Variants in NEK1 observed in about 807,000 individuals in gnomAD.
NEK1 encodes NIMA related kinase 1.
A neutral mutation model predicts 182.1 loss-of-function variants in NEK1; 137 were observed. That is an observed-to-expected ratio of 0.75 (90% confidence interval 0.65 to 0.87). The LOEUF (loss-of-function observed/expected upper bound fraction) is 0.87, where lower values mean the gene tolerates loss of function less well. Ranked by LOEUF, NEK1 falls within the 40% of genes least tolerant of loss-of-function variation. The probability of loss-of-function intolerance (pLI) is 0.00; values close to 1 mark genes in which losing one functional copy is unlikely to be tolerated. For synonymous variants in NEK1, 513 were observed against 492.2 expected (o/e 1.04, Z -0.56); for missense variants, 1,391 against 1,494.4 (o/e 0.93, Z 1.14).
chr4:169,500,175 C>G (rs1433261029), intron 23 of NEK1, among the ~76,000 whole-genome samples: 2 of 152,226 alleles, frequency 1.3e-5, no homozygotes, highest in African/African-American at 4.8e-5. Flanking sequence ...GAGCGAGGCT[C>G]CGTGGGCATA....
intron 6 of NEK1, 125 bp downstream of exon 6, chr4:169,590,600 TA>T: frequency 1.7e-6 from 1 of 592,736 alleles, no homozygotes; most frequent in Non-Finnish European, 3.0e-6. Context: ...ATGAATAGGA[TA>T]AAAAGGAAGA....
At chr4:169,594,224 G>A (rs1004953274) in intron 5 of NEK1, among the ~76,000 whole-genome samples, 4 of 152,138 alleles carry the variant, frequency 2.6e-5, no homozygotes, top group African/African-American at 9.7e-5. Context: ...CGGCCTTATA[G>A]CACCAAACAG....
intron 19 of NEK1, among the ~76,000 whole-genome samples, chr4:169,518,435 G>A (rs865895566): frequency 1.9e-4 from 26 of 137,992 alleles, no homozygotes; most frequent in Middle Eastern, 3.4e-3. Context: ...TATCAATTTT[G>A]TTGATCCTTT....
chr4:169,599,706 T>C (rs1156303373), intron 4 of NEK1, among the ~76,000 whole-genome samples: 1 of 152,110 alleles, frequency 6.6e-6, no homozygotes, highest in Non-Finnish European at 1.5e-5. Flanking sequence ...GATACACTGT[T>C]TCCACCCTCT....
At chr4:169,537,112 G>C (rs1476763635) in intron 19 of NEK1, among the ~76,000 whole-genome samples, 1 of 152,114 alleles carries the variant, frequency 6.6e-6, no homozygotes, top group Non-Finnish European at 1.5e-5. Flanking sequence ...GCTGCTTCAT[G>C]GGTTGCTGAG....
intron 27 of NEK1, among the ~76,000 whole-genome samples, chr4:169,444,674 T>C (rs7699930): frequency 0.29 from 43,829 of 152,068 alleles, 9,002 homozygotes; most frequent in African/African-American, 0.59. Context: ...CAACGCCCCA[T>C]GGACAGCACT....
intron 19 of NEK1, among the ~76,000 whole-genome samples, chr4:169,509,301 A>G (rs1753818266): frequency 6.6e-6 from 1 of 152,156 alleles, no homozygotes; most frequent in South Asian, 2.1e-4. Context: ...ATATTAATTA[A>G]GAGATCTCAA....
At chr4:169,597,735 C>A (rs1769781284) in intron 5 of NEK1, among the ~76,000 whole-genome samples, 2 of 151,992 alleles carry the variant, frequency 1.3e-5, no homozygotes, top group East Asian at 3.9e-4. Flanking sequence ...GAGATGGAGA[C>A]CACCCTGGCT....
At chr4:169,531,771 AG>A (rs933455911) in intron 19 of NEK1, among the ~76,000 whole-genome samples, 3 of 152,206 alleles carry the variant, frequency 2.0e-5, no homozygotes, top group Admixed American at 1.3e-4. Context: ...CTCAGAAAAT[AG>A]GGTTCCATAG....
chr4:169,508,569 AAAG>A (rs1410421897), intron 20 of NEK1, among the ~76,000 whole-genome samples, 197 bp downstream of exon 20: 1 of 152,206 alleles, frequency 6.6e-6, no homozygotes, highest in African/African-American at 2.4e-5. Flanking sequence ...AATCAAAAGA[AAAG>A]AAACTGAAAT....
rs553979474 is a variant in NEK1 at position 169,597,961 on chromosome 4, T to A, written c.312+1139A>T. Among the ~76,000 whole-genome samples the A allele has an allele frequency of 6.5e-4, 99 of 151,610 alleles. 1 individual carries two copies. The highest frequency in any genetic ancestry group is 9.2e-4 in the Admixed American group (14 of 15,240). On this transcript the variant is annotated intron_variant, in intron 5 of 35. Transcript: ENST00000507142. ...AAAAAATAATAAAAATAAAAATAAA[T>A]AAATAATAATAATATCCCATTTCTG...
intron 18 of NEK1, among the ~76,000 whole-genome samples, chr4:169,548,798 C>T (rs1760947062): frequency 6.6e-6 from 1 of 152,218 alleles, no homozygotes; most frequent in Non-Finnish European, 1.5e-5. Context: ...CAAGCCTCAG[C>T]AATGGTGGAC....
At chr4:169,480,413 T>A (rs1314039078) in intron 23 of NEK1, among the ~76,000 whole-genome samples, 1 of 149,106 alleles carries the variant, frequency 6.7e-6, no homozygotes. Context: ...TCTCAGAGCA[T>A]ACAAAATTTA....
At chr4:169,503,501 G>C (rs1421747191) in intron 23 of NEK1, among the ~76,000 whole-genome samples, 1 of 152,118 alleles carries the variant, frequency 6.6e-6, no homozygotes, top group Non-Finnish European at 1.5e-5. Flanking sequence ...AAAACAGCAT[G>C]GTGCTGGCAT....
chr4:169,584,242 G>A (rs1335280203), intron 10 of NEK1, among the ~76,000 whole-genome samples: 1 of 152,032 alleles, frequency 6.6e-6, no homozygotes, highest in African/African-American at 2.4e-5. Context: ...CAGTAATCTA[G>A]TATACCTACA....
At chr4:169,420,057 T>C (rs913557035) in intron 31 of NEK1, among the ~76,000 whole-genome samples, 3 of 152,200 alleles carry the variant, frequency 2.0e-5, no homozygotes, top group Admixed American at 2.0e-4. Context: ...CTACACTAAA[T>C]GTATTTAAAA....
intron 12 of NEK1, among the ~76,000 whole-genome samples, chr4:169,571,434 G>A (rs918226107): frequency 2.6e-5 from 4 of 152,076 alleles, no homozygotes; most frequent in Non-Finnish European, 4.4e-5. Flanking sequence ...ATAACATTGT[G>A]GAGAAAAACA....
intron 18 of NEK1, among the ~76,000 whole-genome samples, chr4:169,547,352 C>T (rs770572412): frequency 2.6e-5 from 4 of 152,136 alleles, no homozygotes; most frequent in Non-Finnish European, 4.4e-5. Flanking sequence ...GCTGTTAGTC[C>T]GATGGGCTTC....
chr4:169,584,816 T>C (rs1245918519), intron 10 of NEK1, among the ~76,000 whole-genome samples: 1 of 152,142 alleles, frequency 6.6e-6, no homozygotes, highest in African/African-American at 2.4e-5. Flanking sequence ...AAATGCTCAA[T>C]GATTTTACAG....
Sources: allele counts gnomAD v4.1 joint callset (sites outside exome capture counted in the v4.1 genomes callset), GRCh38; gene constraint gnomAD v4.1.1; transcripts MANE v1.5; gene names NCBI Gene and HGNC (gene_info 2026-07-23, HGNC 2026-07-21).